TNK1: variants seen among roughly 807,000 people sequenced by gnomAD.
TNK1 encodes tyrosine kinase non receptor 1.
A neutral mutation model predicts 65.2 loss-of-function variants in TNK1; 53 were observed. The ratio of observed to expected loss-of-function variants is 0.81; its 90% CI spans 0.65 to 1.02. The LOEUF is 1.02. Among genes scored for constraint, TNK1 ranks in the 50% least tolerant of loss-of-function variants. The pLI, the probability that TNK1 is intolerant of heterozygous loss-of-function variation, is 0.00. For synonymous variants in TNK1, 353 were observed against 364.6 expected (o/e 0.97, Z 0.36); for missense variants, 837 against 878.4 (o/e 0.95, Z 0.60).
Position 7,388,385 on chromosome 17 carries a change from G to A in TNK1, c.1478-21G>A, listed in dbSNP as rs776943178. ...GGCTGCAGCCAGCCGAGTTCAAGTT[G>A]TTTCCTTCTCAACTGTGCAGGCATT... On this transcript the variant is annotated intron_variant, in intron 10 of 12. Coordinates refer to ENST00000688331, the MANE Select transcript of TNK1 (RefSeq NM_003985.6). The surrounding 1 kb of genome is among the most constrained non-coding windows in gnomAD (Gnocchi z 4.5). 6 of 1,568,382 alleles carry A rather than the reference G, an allele frequency of 3.8e-6. No individual in the cohort carries two copies. In the Admixed American group the frequency reaches 9.5e-5, roughly 25 times the overall value.
Position 7,384,154 on chromosome 17 carries a change from C to G in TNK1, c.767C>G (p.Pro256Arg), listed in dbSNP as rs760852427. The G allele has an allele frequency of 3.7e-5, 57 of 1,541,144 alleles. No individual in the cohort carries two copies. The highest frequency in any genetic ancestry group is 4.7e-5 in the Non-Finnish European group (54 of 1,150,750). Residue 256 changes from proline (P) to arginine (R), a missense_variant, in exon 6 of 13, where the codon CCG becomes CGG. Coordinates refer to ENST00000688331, the MANE Select transcript of TNK1 (RefSeq NM_003985.6). ...LATRNLLLAS[P>R]RTIKVADFGL... Reference sequence around the variant, plus strand: ...ACGCGCAACCTACTGCTGGCGTCGCCGCGCACCATCAAGGTGGCTGACTTC... The same window carrying G: ...ACGCGCAACCTACTGCTGGCGTCGCGGCGCACCATCAAGGTGGCTGACTTC...
intron 7 of TNK1, among the ~76,000 whole-genome samples, chr17:7,385,755 G>A (rs1905152460): frequency 6.6e-6 from 1 of 152,108 alleles, no homozygotes; most frequent in Non-Finnish European, 1.5e-5. Flanking sequence ...AGTAGAGATG[G>A]GGTTTCACCA....
intron 8 of TNK1, 112 bp from the exon 9 acceptor site, chr17:7,386,878 C>T (rs1298623421): frequency 1.4e-6 from 2 of 1,386,108 alleles, no homozygotes; most frequent in South Asian, 1.5e-5. Context: ...TTCCCTTCCT[C>T]CAGGCAGATG....
Position 7,388,344 on chromosome 17 carries a change from G to T in TNK1, c.1478-62G>T. On this transcript the variant is annotated intron_variant, in intron 10 of 12. Coordinates refer to ENST00000688331, the MANE Select transcript of TNK1 (RefSeq NM_003985.6). This position sits in a 1 kb window ranked among gnomAD's most constrained non-coding sequence, Gnocchi z 4.5. The stretch of plus-strand genomic sequence containing the variant: ...GGAGGCTGAGGTGGGAGGATCGCTT[G>T]AGCCCGGGAGGCGGAGGCTGCAGCC... 1 of 1,515,280 alleles carries T rather than the reference G, an allele frequency of 6.6e-7. No homozygotes were observed. 93.9% of individuals were successfully genotyped at this position (1,515,280 alleles called of 1,614,324 possible).
intron 10 of TNK1, among the ~76,000 whole-genome samples, chr17:7,387,949 T>C (rs1905282350): frequency 6.6e-6 from 1 of 152,160 alleles, no homozygotes; most frequent in African/African-American, 2.4e-5. Flanking sequence ...CTGCCTTCCC[T>C]TCTGAAGAGC....
At chr17:7,386,944 C>G (rs528941220) in intron 8 of TNK1, 46 bp from the exon 9 acceptor site, 1 of 1,506,096 alleles carries the variant, frequency 6.6e-7, no homozygotes, top group African/African-American at 1.4e-5. Context: ...CCAGCCCTAA[C>G]TCTTGCCCTT....
At chr17:7,385,753 T>TG (rs1171347217) in intron 7 of TNK1, among the ~76,000 whole-genome samples, 1 of 152,030 alleles carries the variant, frequency 6.6e-6, no homozygotes, top group African/African-American at 2.4e-5. Context: ...TTAGTAGAGA[T>TG]GGGGTTTCAC....
chr17:7,385,088 G>T (rs1296292293), intron 7 of TNK1, among the ~76,000 whole-genome samples: 2 of 152,200 alleles, frequency 1.3e-5, no homozygotes, highest in Non-Finnish European at 2.9e-5. Flanking sequence ...CCGCAGGCCG[G>T]GCGCGGTGGC....
chr17:7,384,457 C>G (rs990237549), intron 6 of TNK1, 27 bp from the exon 7 acceptor site: 2 of 1,503,264 alleles, frequency 1.3e-6, no homozygotes, highest in African/African-American at 2.8e-5. Flanking sequence ...CGTGTCCCGC[C>G]CCTTTCAGCT....
intron 7 of TNK1, among the ~76,000 whole-genome samples, chr17:7,386,069 A>G (rs1271109390): frequency 6.6e-6 from 1 of 152,164 alleles, no homozygotes; most frequent in Non-Finnish European, 1.5e-5. Flanking sequence ...AGGGAAGCCT[A>G]TTAGGCAGGG....
chr17:7,385,876 A>G (rs9905354), intron 7 of TNK1, among the ~76,000 whole-genome samples: 3,754 of 152,182 alleles, frequency 0.025, 139 homozygotes, highest in African/African-American at 0.083. Flanking sequence ...GGATGAGGTA[A>G]TTATTATCTC....
At chr17:7,381,986 G>T (rs34275226) in intron 1 of TNK1, among the ~76,000 whole-genome samples, 1 of 152,266 alleles carries the variant, frequency 6.6e-6, no homozygotes, top group Non-Finnish European at 1.5e-5. Context: ...GACATATATC[G>T]GCCGGGCGCA....
chr17:7,387,591 A>C (rs1296652239), intron 10 of TNK1, 134 bp downstream of exon 10: 3 of 686,124 alleles, frequency 4.4e-6, no homozygotes, highest in African/African-American at 3.8e-5. Context: ...TCCTAGCTAT[A>C]CTGTGCAATC....
Position 7,382,845 on chromosome 17 carries a change from G to C in TNK1, c.-82G>C. 5 of 1,476,030 alleles carry C rather than the reference G, an allele frequency of 3.4e-6. No homozygotes were observed. The highest frequency in any genetic ancestry group is 4.6e-6 in the Non-Finnish European group (5 of 1,085,062). The allele number at this position is 1,476,030 out of a possible 1,614,324, so 91.4% of individuals were successfully genotyped here. A position where few individuals can be genotyped will look rare whatever the true frequency, so the allele number is the denominator to read the frequency against. ...TTCTAATGACTTGCAGGTGGAGCTGGAGACCTGGTCTCTCTAGGGCCTACC... is the reference window on the plus strand; with the variant it reads ...TTCTAATGACTTGCAGGTGGAGCTGCAGACCTGGTCTCTCTAGGGCCTACC... On this transcript the variant is annotated 5_prime_UTR_variant, in exon 2 of 13. Transcript: ENST00000688331. This position sits in a 1 kb window ranked among gnomAD's most constrained non-coding sequence, Gnocchi z 4.1.
At position 7,383,837 on chromosome 17, in the gene TNK1, C is replaced by T. The variant is rs775026806; in HGVS notation, c.555C>T (p.Gly185=). 6 of 1,611,606 alleles carry T rather than the reference C, an allele frequency of 3.7e-6. No homozygotes were observed. The East Asian group carries it at 1.3e-4, about 36-fold the overall frequency. Residue 185 remains glycine (G), a synonymous_variant, in exon 5 of 13, where the codon GGC becomes GGT. Transcript: ENST00000688331. ...ACCCACACGTGCTGCGTCTGCACGG[C>T]CTTGTACTGGGCCAGCCTCTGCAGA... ...LEHPHVLRLH[G]LVLGQPLQMV...
In TNK1 at chr17:7,384,041, C is replaced by A; in HGVS notation, c.654C>A (p.Leu218=). Residue 218 remains leucine (L), a synonymous_variant, in exon 6 of 13, where the codon CTC becomes CTA. Coordinates refer to ENST00000688331, the MANE Select transcript of TNK1 (RefSeq NM_003985.6). The part of the protein sequence containing the change: ...LTAPAPTPPL[L]VALLCLFLRQ... ...CCCCGGCCCCGACACCCCCGCTGCT[C>A]GTGGCCCTGCTCTGCCTCTTCCTGC... The A allele has an allele frequency of 7.2e-6, 11 of 1,523,384 alleles. No homozygotes were observed. The highest frequency in any genetic ancestry group is 1.8e-4 in the Middle Eastern group (1 of 5,464). The allele number at this position is 1,523,384 out of a possible 1,614,324, so 94.4% of individuals were successfully genotyped here. A position where few individuals can be genotyped will look rare whatever the true frequency, so the allele number is the denominator to read the frequency against.
chr17:7,383,053 C>T lies in TNK1; in HGVS notation c.127C>T (p.Pro43Ser). 6.2e-7 allele frequency: 1 copy of T among 1,614,026 alleles called. No homozygotes were observed. Among genetic ancestry groups the T allele is most frequent in the Non-Finnish European group, 8.5e-7 (1 of 1,179,886 alleles). Residue 43 changes from proline (P) to serine (S), a missense_variant, in exon 2 of 13, where the codon CCT becomes TCT. Pro to Ser is a moderately conservative substitution (Grantham distance 74, BLOSUM62 -1). Transcript: ENST00000688331. ...GCCAGAGCACTTCGACTTTGTAAAG[C>T]CTGAGGACCTGGACGGCATTGGCAT... ...TRPEHFDFVK[P>S]EDLDGIGMGR...
chr17:7,386,609 G>A lies in TNK1; in HGVS notation c.1186G>A (p.Ala396Thr), dbSNP rs573738923. The A allele has an allele frequency of 5.0e-5, 81 of 1,603,980 alleles. 1 individual carries two copies. The highest frequency in any genetic ancestry group is 3.5e-4 in the South Asian group (31 of 88,798). ...CCVRDVTEPG[A>T]LRMETGDPIT... is the part of the protein sequence containing the mutation. ...TGTGAGGGATGTCACAGAACCAGGCGCCCTGAGGATGGAGACTGGTGACCC... is the reference window on the plus strand; with the variant it reads ...TGTGAGGGATGTCACAGAACCAGGCACCCTGAGGATGGAGACTGGTGACCC... Residue 396 changes from alanine to threonine, a missense_variant, in exon 8 of 13, where the codon GCC (alanine) becomes ACC (threonine). Ala to Thr is a moderately conservative substitution (Grantham distance 58). Coordinates refer to ENST00000688331, the MANE Select transcript of TNK1 (RefSeq NM_003985.6).
chr17:7,389,585 G>A lies in TNK1; in HGVS notation c.*501G>A, dbSNP rs887792725. The A allele has an allele frequency of 3.9e-5, 11 of 284,488 alleles. No individual in the cohort carries two copies. Among genetic ancestry groups the A allele is most frequent in the Non-Finnish European group, 6.5e-5 (10 of 153,886 alleles). The allele number at this position is 284,488 out of a possible 1,614,324, so 17.6% of individuals were successfully genotyped here. A position where few individuals can be genotyped will look rare whatever the true frequency, so the allele number is the denominator to read the frequency against. ...GTCCAGGGCCATCGTGGGTGATGACGATTGCTCTCTTGCACTCAAGGACAT... is the reference window on the plus strand; with the variant it reads ...GTCCAGGGCCATCGTGGGTGATGACAATTGCTCTCTTGCACTCAAGGACAT... On this transcript the variant is annotated 3_prime_UTR_variant, in exon 13 of 13. Coordinates refer to ENST00000688331, the MANE Select transcript of TNK1 (RefSeq NM_003985.6).
Sources: gnomAD v4.1 joint callset for allele counts (sites outside exome capture counted in the v4.1 genomes callset) on GRCh38, gnomAD v4.1.1 for gene constraint, Gnocchi (gnomAD v3.1) non-coding constraint, MANE v1.5 for transcripts, NCBI Gene and HGNC (gene_info 2026-07-23, HGNC 2026-07-21) for gene names.